The following IMPDH2 variants were observed in gnomAD, a reference collection of about 807,000 sequenced individuals.
The protein encoded by IMPDH2 is inosine-5'-monophosphate dehydrogenase 2.
IMPDH2 carries 33 observed loss-of-function variants against 57.8 expected under a neutral mutation model. That is an observed-to-expected ratio of 0.57 (90% CI 0.43 to 0.76). The LOEUF is 0.76. IMPDH2 is among the 30% of genes least tolerant of loss of function. IMPDH2 has a pLI of 0.00. For missense variants in IMPDH2, 446 were observed against 659.1 expected (o/e 0.68, Z 3.54); for synonymous variants, 270 against 241.3 (o/e 1.12, Z -1.10).
At position 49,028,301 on chromosome 3, in the gene IMPDH2, T is replaced by G; in HGVS notation, c.271A>C (p.Ile91Leu). 1.9e-6 allele frequency: 3 copies of G among 1,614,152 alleles called. No homozygotes were observed. The highest frequency in any genetic ancestry group is 2.5e-6 in the Non-Finnish European group (3 of 1,179,988). The change falls in exon 4 of 14, where the codon ATC becomes CTC. Residue 91 changes from isoleucine to leucine, a missense_variant. By Grantham distance (5) the Ile-to-Leu change is conservative. Transcript: ENST00000326739. Reference sequence around the variant, plus strand: ...AATTCAGGTGTACAGTTGTGGTGGATGAAGCCAATACCGCCTGTAAGCTAC... The same window carrying G: ...AATTCAGGTGTACAGTTGTGGTGGAGGAAGCCAATACCGCCTGTAAGCTAC... ...AMALTGGIGF[I>L]HHNCTPEFQA...
chr3:49,024,368 G>A lies in IMPDH2; in HGVS notation c.*15C>T. The A allele has an allele frequency of 4.3e-6, 7 of 1,613,970 alleles. No individual in the cohort carries two copies. Among genetic ancestry groups the A allele is most frequent in the Non-Finnish European group, 5.9e-6 (7 of 1,179,884 alleles). Reference sequence around the variant, plus strand: ...TTATTGAAAAAAAAACCGAGGAGGTGTGCTGGATCCCTTTTCAGAAAAGCC... The same window carrying A: ...TTATTGAAAAAAAAACCGAGGAGGTATGCTGGATCCCTTTTCAGAAAAGCC... On this transcript the variant is annotated 3_prime_UTR_variant, in exon 14 of 14. Coordinates refer to ENST00000326739, the MANE Select transcript of IMPDH2 (RefSeq NM_000884.3).
intron 5 of IMPDH2, 83 bp downstream of exon 5, chr3:49,027,627 T>C: frequency 8.7e-7 from 1 of 1,149,420 alleles, no homozygotes; most frequent in Admixed American, 1.8e-5. Flanking sequence ...GAAGAGGCTA[T>C]CAGAGATGTC....
intron 3 of IMPDH2, 42 bp downstream of exon 3, chr3:49,028,389 G>A (rs1214815745): frequency 1.9e-6 from 3 of 1,598,828 alleles, no homozygotes; most frequent in Non-Finnish European, 8.6e-7. Flanking sequence ...GGGGAAAGGC[G>A]ATGGAGTCCT....
rs559085942 is a variant in IMPDH2 at position 49,026,607 on chromosome 3, G to A, written c.822C>T (p.Asp274=). 2 of 1,612,954 alleles carry A rather than the reference G, an allele frequency of 1.2e-6. No homozygotes were observed. The highest frequency in any genetic ancestry group is 1.3e-5 in the African/African-American group (1 of 75,030). Residue 274 remains aspartate, a splice_region_variant and synonymous_variant, in exon 8 of 14, where the codon GAC becomes GAT. Transcript: ENST00000326739. ...AQAGVDVVVL[D]SSQGNSIFQI... is the part of the protein sequence containing the mutation. Reference sequence around the variant, plus strand: ...GGAAGATGGAATTTCCCTGGGAAGAGTCCTAGGACAAGAAGTAAGTCTCAG... The same window carrying A: ...GGAAGATGGAATTTCCCTGGGAAGAATCCTAGGACAAGAAGTAAGTCTCAG...
rs2093208231 is a variant in IMPDH2 at position 49,028,271 on chromosome 3, C to A, written c.301G>T (p.Ala101Ser). ...IHHNCTPEFQANEVRKVKKYE... is the reference protein window; with the variant it reads ...IHHNCTPEFQSNEVRKVKKYE... Reference sequence around the variant, plus strand: ...ACCTTCACTTTCCGAACTTCATTGGCCTGGAATTCAGGTGTACAGTTGTGG... The same window carrying A: ...ACCTTCACTTTCCGAACTTCATTGGACTGGAATTCAGGTGTACAGTTGTGG... The change falls in exon 4 of 14, where the codon GCC becomes TCC. Residue 101 changes from alanine (A) to serine (S), a missense_variant. Ala to Ser is a moderately conservative substitution (Grantham distance 99). Transcript: ENST00000326739. 4 of 1,614,044 alleles carry A rather than the reference C, an allele frequency of 2.5e-6. No homozygotes were observed. The highest frequency in any genetic ancestry group is 3.4e-6 in the Non-Finnish European group (4 of 1,180,028).
At chr3:49,029,145 AC>A (rs1274269307) in intron 1 of IMPDH2, 107 bp downstream of exon 1, 1 of 911,948 alleles carries the variant, frequency 1.1e-6, no homozygotes, top group Admixed American at 2.0e-5. Context: ...AATTCCCGAA[AC>A]CTGTCCCCCA....
chr3:49,025,473 CAT>C, intron 9 of IMPDH2: 3 of 599,666 alleles, frequency 5.0e-6, no homozygotes, highest in South Asian at 1.9e-5. Flanking sequence ...CTCACCCCCA[CAT>C]GTGCACGTGC....
At chr3:49,028,095 C>A in intron 4 of IMPDH2, 153 bp downstream of exon 4, 1 of 793,248 alleles carries the variant, frequency 1.3e-6, no homozygotes, top group Non-Finnish European at 2.1e-6. Context: ...TCTATTGCTG[C>A]TGCTTTAAGA....
In IMPDH2 at chr3:49,029,237, C is replaced by A; in HGVS notation, c.98+16G>T. The A allele has an allele frequency of 6.3e-7, 1 of 1,576,404 alleles. No individual in the cohort carries two copies. ...CCGCCCCTCTCTTCGCCCAGGTGAG[C>A]CCCATAGGCCCGCACTTGTAGGTGA... is the stretch of plus-strand genomic sequence containing the variant. On this transcript the variant is annotated intron_variant, in intron 1 of 13. Transcript: ENST00000326739.
rs1350617500 is a variant in IMPDH2, at chr3:49,024,940, G to C, written c.1251C>G (p.Leu417=). Residue 417 remains leucine (L), a synonymous_variant, in exon 11 of 14, where the codon CTC becomes CTG. Transcript: ENST00000326739. ...TGCTGAGGTGCTTGTCCATGGCATC[G>C]AGAGAACCCATACCGCGATATTTCT... ...RLKKYRGMGS[L]DAMDKHLSSQ... 1 of 1,614,206 alleles carries C rather than the reference G, an allele frequency of 6.2e-7. No homozygotes were observed. Among genetic ancestry groups the C allele is most frequent in the Non-Finnish European group, 8.5e-7 (1 of 1,180,042 alleles).
rs1470317235 is a variant in IMPDH2, at chr3:49,025,236, A to G, written c.1040T>C (p.Val347Ala). The G allele has an allele frequency of 1.2e-6, 2 of 1,614,222 alleles. No homozygotes were observed. Among genetic ancestry groups the G allele is most frequent in the Non-Finnish European group, 8.5e-7 (1 of 1,180,040 alleles). ...LACGRPQATA[V>A]YKVSEYARRF... ...CCGTGCATACTCTGACACCTTGTAC[A>G]CTGCTGTTGCTTGGGGCCGCCCACA... Residue 347 changes from valine to alanine, a missense_variant, in exon 10 of 14, where the codon GTG becomes GCG. By Grantham distance (64) the Val-to-Ala change is moderately conservative (BLOSUM62 0). Transcript: ENST00000326739.
chr3:49,025,481 CGT>C, intron 9 of IMPDH2: 1 of 584,722 alleles, frequency 1.7e-6, no homozygotes, highest in African/African-American at 1.9e-5. Context: ...CACATGTGCA[CGT>C]GCATGTGTGC....
At chr3:49,025,485 C>G (rs2093194514) in intron 9 of IMPDH2, 1 of 578,364 alleles carries the variant, frequency 1.7e-6, no homozygotes, top group Non-Finnish European at 3.1e-6. Context: ...TGTGCACGTG[C>G]ATGTGTGCAG....
At chr3:49,026,288 G>T in intron 9 of IMPDH2, 36 bp downstream of exon 9, 1 of 1,421,950 alleles carries the variant, frequency 7.0e-7, no homozygotes, top group Non-Finnish European at 9.8e-7. Flanking sequence ...GCCTGAAACT[G>T]GGGTCTCTGT....
At chr3:49,027,972 C>T (rs1575311297) in intron 4 of IMPDH2, 56 bp from the exon 5 acceptor site, 2 of 1,342,740 alleles carry the variant, frequency 1.5e-6, no homozygotes, top group Admixed American at 1.9e-5. Context: ...TCATCAGGCT[C>T]TTGATCTGAA....
intron 1 of IMPDH2, 96 bp downstream of exon 1, chr3:49,029,157 C>G (rs1324094826): frequency 9.9e-7 from 1 of 1,007,904 alleles, no homozygotes; most frequent in Non-Finnish European, 1.5e-6. Flanking sequence ...CTGTCCCCCA[C>G]GCCCACGCCC....
At chr3:49,028,149 GAAGA>G in intron 4 of IMPDH2, 95 bp downstream of exon 4, 1 of 1,062,692 alleles carries the variant, frequency 9.4e-7, no homozygotes, top group Non-Finnish European at 1.4e-6. Context: ...CCCATGGTGG[GAAGA>G]AAGAATACTA....
In IMPDH2 at chr3:49,026,944, C is replaced by T. The variant is rs1238779152; in HGVS notation, c.619+16G>A. ...TAGGCATTAGTTCCAGGCCCTTTCCCAGCTCTAGGACTTACCCTTCTTGCT... is the reference window on the plus strand; with the variant it reads ...TAGGCATTAGTTCCAGGCCCTTTCCTAGCTCTAGGACTTACCCTTCTTGCT... On this transcript the variant is annotated intron_variant, in intron 6 of 13. Coordinates refer to ENST00000326739, the MANE Select transcript of IMPDH2 (RefSeq NM_000884.3). The T allele has an allele frequency of 1.1e-5, 18 of 1,613,808 alleles. No individual in the cohort carries two copies. Among genetic ancestry groups the T allele is most frequent in the Non-Finnish European group, 1.5e-5 (18 of 1,179,658 alleles).
Position 49,024,985 on chromosome 3 carries a change from AAAG to A in IMPDH2, c.1203_1205del (p.Phe402del). On this transcript the variant is annotated inframe_deletion, in exon 11 of 14. Transcript: ENST00000326739. ...ATTTCTTTAGCCGGATCCCATCGGA[AAAG>A]AAGTATTCACCAGGGGCCTCAGTGG... The A allele has an allele frequency of 6.2e-7, 1 of 1,614,234 alleles. No homozygotes were observed. Among genetic ancestry groups the A allele is most frequent in the Non-Finnish European group, 8.5e-7 (1 of 1,180,040 alleles).
Sources: allele counts gnomAD v4.1 joint callset, GRCh38; gene constraint gnomAD v4.1.1; transcripts MANE v1.5; gene names NCBI Gene and HGNC (gene_info 2026-07-23, HGNC 2026-07-21).